PLXNA3: variants seen among roughly 807,000 people sequenced by gnomAD.
The protein encoded by PLXNA3 is plexin-A3.
A neutral mutation model predicts 118.8 loss-of-function variants in PLXNA3; 52 were observed. That is an observed-to-expected ratio of 0.44 (90% CI 0.35 to 0.55). The LOEUF (loss-of-function observed/expected upper bound fraction) is 0.55, where lower values mean the gene tolerates loss of function less well. PLXNA3 is among the 20% of genes least tolerant of loss of function. The probability of loss-of-function intolerance (pLI) is 0.01; values close to 1 mark genes in which losing one functional copy is unlikely to be tolerated. For synonymous variants in PLXNA3, 925 were observed against 762.4 expected, an observed-to-expected ratio of 1.21 and a Z score of -3.51; for missense variants, 1,660 against 1,730.8, an observed-to-expected ratio of 0.96 and a Z score of 0.73.
At chrX:154,459,595 G>A (rs1450263874) in intron 1 of PLXNA3, among the ~76,000 whole-genome samples, 2 of 112,422 alleles carry the variant, frequency 1.8e-5, no homozygotes, top group Non-Finnish European at 3.8e-5. Context: ...GCCAGACAGC[G>A]GGCTCCTGGA....
At chrX:154,459,455 C>T (rs1439993874) in intron 1 of PLXNA3, among the ~76,000 whole-genome samples, 1 of 112,544 alleles carries the variant, frequency 8.9e-6, no homozygotes, top group South Asian at 3.7e-4. Context: ...CTGTACATTC[C>T]CTTCTCCAGT....
chrX:154,471,230 C>T lies in PLXNA3; in HGVS notation c.5282C>T (p.Thr1761Ile), dbSNP rs781983405. The change falls in exon 31 of 33, where the codon ACA becomes ATA. Residue 1761 changes from threonine to isoleucine, a missense_variant. Coordinates refer to ENST00000369682, the MANE Select transcript of PLXNA3 (RefSeq NM_017514.5). ...CAGACCTTCATGGACTCCTGCTCTA[C>T]ATCCGAGCACCGCCTGGGGAAGGAC... ...VAQTFMDSCS[T>I]SEHRLGKDSP... 1.7e-6 allele frequency: 2 copies of T among 1,209,228 alleles called. No homozygotes were observed. Among genetic ancestry groups the T allele is most frequent in the South Asian group, 1.8e-5 (1 of 56,744 alleles).
chrX:154,467,516 C>A (rs781848454), intron 19 of PLXNA3, 29 bp from the exon 20 acceptor site: 6 of 1,162,914 alleles, frequency 5.2e-6, no homozygotes, highest in Non-Finnish European at 4.6e-6. Context: ...AGTGGAGAGT[C>A]CTGGGCTGAA....
Position 154,468,143 on chromosome X carries a change from C to T in PLXNA3, c.3882C>T (p.Ile1294=). 8.4e-7 allele frequency: 1 copy of T among 1,194,118 alleles called. No individual in the cohort carries two copies. Among genetic ancestry groups the T allele is most frequent in the Admixed American group, 2.2e-5 (1 of 45,077 alleles). The change falls in exon 22 of 33, where the codon ATC becomes ATT. Residue 1294 remains isoleucine, a synonymous_variant. Transcript: ENST00000369682. ...ELTNHMDEVQ[I]PFLDYRTYAV... ...CTAACCACATGGACGAGGTGCAGAT[C>T]CCCTTCCTGGACTACCGGACTTACG...
intron 32 of PLXNA3, 95 bp downstream of exon 32, chrX:154,471,733 C>T (rs2069186817): frequency 2.4e-6 from 2 of 839,944 alleles, no homozygotes; most frequent in African/African-American, 4.0e-5. Flanking sequence ...GGATTGTTCA[C>T]GGTCTCTCCC....
In PLXNA3 at chrX:154,468,201, C is replaced by T; in HGVS notation, c.3940C>T (p.His1314Tyr). 8.5e-7 allele frequency: 1 copy of T among 1,181,204 alleles called. No homozygotes were observed. The highest frequency in any genetic ancestry group is 1.1e-6 in the Non-Finnish European group (1 of 879,062). Residue 1314 changes from histidine (H) to tyrosine (Y), a missense_variant, in exon 22 of 33, where the codon CAC becomes TAC. His to Tyr is a moderately conservative substitution (Grantham distance 83). This residue lies in a region of PLXNA3 where 869 missense variants were observed against 1,078.7 expected (regional missense o/e 0.81). Transcript: ENST00000369682. ...VRVLFPGIEAHPVLKELDTPP... is the reference protein window; with the variant it reads ...VRVLFPGIEAYPVLKELDTPP... The stretch of plus-strand genomic sequence containing the variant: ...CGTGCTCTTCCCGGGCATCGAGGCC[C>T]ACCCGGTGCTCAAGGAGCTGGATGT...
Position 154,460,682 on chromosome X carries a change from G to A in PLXNA3, c.499G>A (p.Val167Met). ...EQGQGPSKLF[V>M]GTAVDGKSEY... The stretch of plus-strand genomic sequence containing the variant: ...GGGCCAGGGGCCCAGCAAGCTGTTT[G>A]TGGGCACTGCTGTCGACGGCAAGTC... Residue 167 changes from valine (V) to methionine (M), a missense_variant, in exon 2 of 33, where the codon GTG becomes ATG. By Grantham distance (21) the Val-to-Met change is conservative. Around this residue, in one of 2 missense-constraint regions of PLXNA3, gnomAD observed 791 missense variants for 652.1 expected, o/e 1.21. Coordinates refer to ENST00000369682, the MANE Select transcript of PLXNA3 (RefSeq NM_017514.5). The A allele has an allele frequency of 1.3e-5, 15 of 1,160,169 alleles. No individual in the cohort carries two copies. Among genetic ancestry groups the A allele is most frequent in the Non-Finnish European group, 1.7e-5 (15 of 872,196 alleles).
intron 2 of PLXNA3, 66 bp from the exon 3 acceptor site, chrX:154,461,033 C>A: frequency 1.0e-6 from 1 of 982,485 alleles, no homozygotes; most frequent in Non-Finnish European, 1.4e-6. Context: ...CAGAGGGAAG[C>A]TGGCGGTGGC....
At chrX:154,458,866 G>C (rs1293265749) in intron 1 of PLXNA3, among the ~76,000 whole-genome samples, 3 of 111,715 alleles carry the variant, frequency 2.7e-5, no homozygotes, top group Non-Finnish European at 3.8e-5. Context: ...GTGGGGGCTG[G>C]GCCTGAAACT....
chrX:154,462,283 T>C lies in PLXNA3; in HGVS notation c.1290T>C (p.Ile430=), dbSNP rs782140917. ...ACCGCCAGCACTCTGTGGTCTTCAT[T>C]GGCACGCGCAGCGGCAGCTTGAAGA... ...YTYRQHSVVF[I]GTRSGSLKKV... The change falls in exon 4 of 33, where the codon ATT becomes ATC. Residue 430 remains isoleucine, a synonymous_variant. Coordinates refer to ENST00000369682, the MANE Select transcript of PLXNA3 (RefSeq NM_017514.5). The C allele has an allele frequency of 1.7e-6, 2 of 1,165,203 alleles. No homozygotes were observed. The highest frequency in any genetic ancestry group is 3.1e-5 in the East Asian group (1 of 31,911).
Position 154,463,627 on chromosome X carries a change from A to G in PLXNA3, c.1484A>G (p.Gln495Arg), listed in dbSNP as rs782206383. ...QLPVETCEQYQSCAACLGSGD... is the reference protein window; with the variant it reads ...QLPVETCEQYRSCAACLGSGD... ...CCGGTGGAGACCTGTGAGCAGTACCAGAGCTGCGCAGCCTGCCTGGGCTCC... is the reference window on the plus strand; with the variant it reads ...CCGGTGGAGACCTGTGAGCAGTACCGGAGCTGCGCAGCCTGCCTGGGCTCC... Residue 495 changes from glutamine (Q) to arginine (R), a missense_variant, in exon 6 of 33, where the codon CAG becomes CGG. Physicochemically the swap from Gln to Arg is conservative, Grantham distance 43. Around this residue, in one of 2 missense-constraint regions of PLXNA3, gnomAD observed 791 missense variants for 652.1 expected, o/e 1.21. Transcript: ENST00000369682. The G allele has an allele frequency of 8.3e-7, 1 of 1,204,779 alleles. No homozygotes were observed. Among genetic ancestry groups the G allele is most frequent in the Non-Finnish European group, 1.1e-6 (1 of 893,506 alleles).
At chrX:154,469,297 C>T in intron 26 of PLXNA3, 82 bp downstream of exon 26, 1 of 1,157,176 alleles carries the variant, frequency 8.6e-7, no homozygotes, top group Non-Finnish European at 1.2e-6. Context: ...CCGCTCCCCA[C>T]CTGAACCCTG....
rs781804704 is a variant in PLXNA3 at position 154,464,418 on chromosome X, G to T, written c.1845G>T (p.Val615=). ...LTRGHGATRT[V]RLQLLSKETG... Reference sequence around the variant, plus strand: ...CTGCTGCAGGGGCCACCCGCACTGTGCGGCTGCAGCTTCTCTCCAAGGAGA... The same window carrying T: ...CTGCTGCAGGGGCCACCCGCACTGTTCGGCTGCAGCTTCTCTCCAAGGAGA... Residue 615 remains valine, a synonymous_variant, in exon 9 of 33, where the codon GTG becomes GTT. Transcript: ENST00000369682. 3.3e-5 allele frequency: 40 copies of T among 1,209,878 alleles called. No homozygotes were observed. The highest frequency in any genetic ancestry group is 4.1e-5 in the Non-Finnish European group (37 of 894,994).
At chrX:154,460,074 T>C (rs2068914844) in intron 1 of PLXNA3, 83 bp from the exon 2 acceptor site, 2 of 531,050 alleles carry the variant, frequency 3.8e-6, no homozygotes, top group East Asian at 6.9e-5. Flanking sequence ...GGTGGCCATC[T>C]GGGGCTTTGG....
chrX:154,468,124 A>G lies in PLXNA3; in HGVS notation c.3863A>G (p.His1288Arg), dbSNP rs1557208043. The G allele has an allele frequency of 2.7e-5, 32 of 1,193,361 alleles. No individual in the cohort carries two copies. The highest frequency in any genetic ancestry group is 2.4e-4 in the Middle Eastern group (1 of 4,251). The change falls in exon 22 of 33, where the codon CAC becomes CGC. Residue 1288 changes from histidine to arginine, a missense_variant. By Grantham distance (29) the His-to-Arg change is conservative (BLOSUM62 0). Coordinates refer to ENST00000369682, the MANE Select transcript of PLXNA3 (RefSeq NM_017514.5). ...LQTDINELTN[H>R]MDEVQIPFLD... ...ACGGACATCAATGAGCTGACTAACC[A>G]CATGGACGAGGTGCAGATCCCCTTC...
In PLXNA3 at chrX:154,464,328, G is replaced by A. The variant is rs199860841; in HGVS notation, c.1828+15G>A. The A allele has an allele frequency of 1.6e-5, 19 of 1,203,743 alleles. No individual in the cohort carries two copies. The African/African-American group carries it at 3.1e-4, about 20-fold the overall frequency. On this transcript the variant is annotated intron_variant, in intron 8 of 32. Transcript: ENST00000369682. ...CAGGGGGCATGGTCAGTGGGTTGGG[G>A]CTGCCCAGGATGGGGCAGAGTGGGG...
At chrX:154,470,892 C>T (rs1041892883) in intron 30 of PLXNA3, 46 of 444,227 alleles carry the variant, frequency 1.0e-4, no homozygotes, top group African/African-American at 9.4e-4. Flanking sequence ...GTGGTGAGAG[C>T]GGTGACAGGA....
At chrX:154,462,355 G>C (rs1315137087) in intron 4 of PLXNA3, 45 bp downstream of exon 4, 1 of 964,270 alleles carries the variant, frequency 1.0e-6, no homozygotes, top group Non-Finnish European at 1.4e-6. Context: ...GACAGTCTCA[G>C]ATATGGGACA....
rs2069017010 is a variant in PLXNA3, at chrX:154,463,590, G to C, written c.1447G>C (p.Val483Leu). Residue 483 changes from valine to leucine, a missense_variant and splice_region_variant, in exon 6 of 33, where the codon GTG becomes CTG. By Grantham distance (32) the Val-to-Leu change is conservative. This residue lies in a region of PLXNA3 where 791 missense variants were observed against 652.1 expected (regional missense o/e 1.21). Coordinates refer to ENST00000369682, the MANE Select transcript of PLXNA3 (RefSeq NM_017514.5). ...RHIYLLSEKQ[V>L]SQLPVETCEQ... is the part of the protein sequence containing the mutation. ...TGGGTGCTGATGTGGCTGTCCCCAG[G>C]TGAGCCAGCTCCCGGTGGAGACCTG... is the stretch of plus-strand genomic sequence containing the variant. 1 of 1,192,825 alleles carries C rather than the reference G, an allele frequency of 8.4e-7. No homozygotes were observed. The highest frequency in any genetic ancestry group is 1.1e-6 in the Non-Finnish European group (1 of 888,016).
Sources: allele counts gnomAD v4.1 joint callset (sites outside exome capture counted in the v4.1 genomes callset), GRCh38; gene constraint gnomAD v4.1.1; regional missense constraint gnomAD v4.1.1; transcripts MANE v1.5; gene names NCBI Gene and HGNC (gene_info 2026-07-23, HGNC 2026-07-21).